ICA1: variants seen among roughly 807,000 people sequenced by gnomAD.
ICA1 encodes islet cell autoantigen 1.
In ICA1, 40 loss-of-function variants were observed where a neutral mutation model predicts 71.0. The observed-to-expected ratio is 0.56, with a 90% CI of 0.44 to 0.73. The LOEUF is 0.73. Among genes scored for constraint, ICA1 ranks in the 30% least tolerant of loss-of-function variants. The pLI is 0.00. For missense variants in ICA1, 578 were observed against 576.5 expected (o/e 1.00, Z -0.03); for synonymous variants, 207 against 209.5 (o/e 0.99, Z 0.10).
chr7:8,245,604 T>C (rs1215936459), intron 1 of ICA1, among the ~76,000 whole-genome samples: 1 of 152,168 alleles, frequency 6.6e-6, no homozygotes, highest in Non-Finnish European at 1.5e-5. Context: ...AATGTTCTAA[T>C]AGCCATGTTA....
chr7:8,134,662 G>C (rs1381202174), intron 12 of ICA1, among the ~76,000 whole-genome samples: 1 of 152,098 alleles, frequency 6.6e-6, no homozygotes, highest in African/African-American at 2.4e-5. Flanking sequence ...GGGGAAGATA[G>C]GGAGGAAAAC....
At chr7:8,184,607 C>A (rs1413356137) in intron 6 of ICA1, among the ~76,000 whole-genome samples, 1 of 152,148 alleles carries the variant, frequency 6.6e-6, no homozygotes, top group East Asian at 1.9e-4. Flanking sequence ...CTTTAGAATA[C>A]ACTTAGGTTT....
chr7:8,158,689 C>G (rs1421694577), intron 6 of ICA1, 37 bp from the exon 7 acceptor site: 1 of 1,596,238 alleles, frequency 6.3e-7, no homozygotes, highest in South Asian at 1.1e-5. Flanking sequence ...ATCACCCTAA[C>G]CCTTAAGTAG....
At chr7:8,228,525 T>C (rs1861032) in intron 4 of ICA1, 76 bp downstream of exon 4, 56,181 of 830,914 alleles carry the variant, frequency 0.068, 8,799 homozygotes, top group African/African-American at 0.52. Context: ...CCTAAGCATA[T>C]GAAATGATGT....
chr7:8,213,219 G>A (rs1794386707), intron 6 of ICA1, among the ~76,000 whole-genome samples: 1 of 152,178 alleles, frequency 6.6e-6, no homozygotes, highest in Non-Finnish European at 1.5e-5. Context: ...CCTCATAAAA[G>A]AACTCAATCC....
Position 8,241,344 on chromosome 7 carries a change from C to A in ICA1, c.-79-5339G>T, listed in dbSNP as rs1356389637. Among the ~76,000 whole-genome samples, 3 of 152,120 alleles carry A rather than the reference C, an allele frequency of 2.0e-5. No individual in the cohort carries two copies. The East Asian group carries it at 5.8e-4, about 29-fold the overall frequency. On this transcript the variant is annotated intron_variant, in intron 1 of 13. Transcript: ENST00000402384. ...TTCATAAGTGAAGGAGAAATAAAAT[C>A]CTTTACAGAAAAGCAAATGCTGAGA...
rs1798508734 is a variant in ICA1 at position 8,226,072 on chromosome 7, G to C, written c.256+2529C>G. Among the ~76,000 whole-genome samples, 1 of 151,974 alleles carries C rather than the reference G, an allele frequency of 6.6e-6. No homozygotes were observed. ...TGTTATTCATTTATAATGCAATCAG[G>C]TTCATTTGCTACTGTTTGTATTCCA... is the stretch of plus-strand genomic sequence containing the variant. On this transcript the variant is annotated intron_variant, in intron 4 of 13. Coordinates refer to ENST00000402384, the MANE Select transcript of ICA1 (RefSeq NM_001136020.3). The surrounding 1 kb of genome is among the most constrained non-coding windows in gnomAD (Gnocchi z 4.4).
chr7:8,180,280 T>A lies in ICA1; in HGVS notation c.580-21628A>T, dbSNP rs1781810117. Among the ~76,000 whole-genome samples, 3 of 152,306 alleles carry A rather than the reference T, an allele frequency of 2.0e-5. No homozygotes were observed. The South Asian group carries it at 6.2e-4, about 32-fold the overall frequency. On this transcript the variant is annotated intron_variant, in intron 6 of 13. Coordinates refer to ENST00000402384, the MANE Select transcript of ICA1 (RefSeq NM_001136020.3). ...AACATTATATAAATGAAGTCATATA[T>A]ATATTGTGATATCTAGTTTCTTTCA...
chr7:8,245,070 A>G (rs1805456281), intron 1 of ICA1, among the ~76,000 whole-genome samples: 1 of 152,204 alleles, frequency 6.6e-6, no homozygotes, highest in Non-Finnish European at 1.5e-5. Context: ...GTATATACCC[A>G]AAGGATTATA....
chr7:8,162,778 T>C (rs903667630), intron 6 of ICA1, among the ~76,000 whole-genome samples: 2 of 152,204 alleles, frequency 1.3e-5, no homozygotes, highest in African/African-American at 2.4e-5. Context: ...CATTTATTTA[T>C]TTAGAGATGG....
chr7:8,153,419 C>G (rs1035356322), intron 8 of ICA1, among the ~76,000 whole-genome samples: 3 of 152,136 alleles, frequency 2.0e-5, no homozygotes, highest in East Asian at 1.9e-4. Flanking sequence ...GCTGCCAGCA[C>G]GCCAGATAGA....
rs1470398869 is a variant in ICA1, at chr7:8,226,331, G to T, written c.256+2270C>A. ...TAAATTTCCTTTGCACAATGAGCAG[G>T]CTTGCTCTCTAGATATAGATATAGA... On this transcript the variant is annotated intron_variant, in intron 4 of 13. Coordinates refer to ENST00000402384, the MANE Select transcript of ICA1 (RefSeq NM_001136020.3). The surrounding 1 kb of genome is among the most constrained non-coding windows in gnomAD (Gnocchi z 4.4). Among the ~76,000 whole-genome samples, 1 of 151,882 alleles carries T rather than the reference G, an allele frequency of 6.6e-6. No homozygotes were observed. The highest frequency in any genetic ancestry group is 1.5e-5 in the Non-Finnish European group (1 of 68,036).
chr7:8,249,339 C>T (rs1420498105), intron 1 of ICA1, among the ~76,000 whole-genome samples: 1 of 152,234 alleles, frequency 6.6e-6, no homozygotes, highest in Non-Finnish European at 1.5e-5. Flanking sequence ...ACAAATTCTT[C>T]CACAGCAGAA....
intron 6 of ICA1, among the ~76,000 whole-genome samples, chr7:8,190,451 G>A (rs974285183): frequency 5.9e-5 from 9 of 152,258 alleles, no homozygotes; most frequent in Admixed American, 2.0e-4. Flanking sequence ...AACTGAAAAC[G>A]TTACAGTAGA....
At chr7:8,167,197 A>G (rs1283046225) in intron 6 of ICA1, among the ~76,000 whole-genome samples, 1 of 152,240 alleles carries the variant, frequency 6.6e-6, no homozygotes. Context: ...AGCACTATTC[A>G]TAATAGCAAA....
chr7:8,174,771 A>AACC (rs1554310918), intron 6 of ICA1, among the ~76,000 whole-genome samples: 2 of 106,038 alleles, frequency 1.9e-5, no homozygotes, highest in South Asian at 3.5e-4. Context: ...AAAAAAAAAA[A>AACC]AAAAAAAACA....
intron 3 of ICA1, 39 bp downstream of exon 3, chr7:8,232,551 A>C: frequency 6.4e-7 from 1 of 1,563,568 alleles, no homozygotes; most frequent in Non-Finnish European, 8.7e-7. Context: ...GATCCTAGCA[A>C]GGTGGCTGTG....
chr7:8,116,168 G>A (rs1784735636), intron 13 of ICA1: 1 of 152,216 alleles, frequency 6.6e-6, no homozygotes, highest in African/African-American at 2.4e-5. Flanking sequence ...AAGTAGTACA[G>A]AAAACAGGTT....
chr7:8,213,787 G>A (rs1020261510), intron 6 of ICA1, among the ~76,000 whole-genome samples: 2 of 151,982 alleles, frequency 1.3e-5, no homozygotes, highest in African/African-American at 4.8e-5. Context: ...ACTGACTGAT[G>A]GCCCTAATAA....
Sources: allele counts gnomAD v4.1 joint callset (sites outside exome capture counted in the v4.1 genomes callset), GRCh38; gene constraint gnomAD v4.1.1; non-coding constraint Gnocchi (gnomAD v3.1); transcripts MANE v1.5; gene names NCBI Gene and HGNC (gene_info 2026-07-23, HGNC 2026-07-21).